DISP1: variants seen among roughly 807,000 people sequenced by gnomAD.
The protein encoded by DISP1 is dispatched RND transporter family member 1.
Under a neutral mutation model 37.3 loss-of-function variants are expected in DISP1, and 30 were observed. The observed-to-expected ratio is 0.80, with a 90% CI of 0.60 to 1.09. The LOEUF (loss-of-function observed/expected upper bound fraction) is 1.09, where lower values mean the gene tolerates loss of function less well. Among genes scored for constraint, DISP1 ranks in the 50% least tolerant of loss-of-function variants. The pLI is 0.00. For synonymous variants in DISP1, 634 were observed against 690.2 expected, an observed-to-expected ratio of 0.92 and a Z score of 1.28; for missense variants, 1,598 against 1,879.5, an observed-to-expected ratio of 0.85 and a Z score of 2.77.
At chr1:222,850,352 C>T (rs1668152102) in intron 1 of DISP1, among the ~76,000 whole-genome samples, 1 of 151,558 alleles carries the variant, frequency 6.6e-6, no homozygotes, top group African/African-American at 2.4e-5. Context: ...CTTTTTAAAC[C>T]CTCTGCTTTC....
intron 1 of DISP1, among the ~76,000 whole-genome samples, chr1:222,887,393 A>G (rs1670655180): frequency 6.6e-6 from 1 of 151,764 alleles, no homozygotes; most frequent in Admixed American, 6.6e-5. Flanking sequence ...TTTCTTCTTC[A>G]TTACTCTTAA....
At chr1:222,866,575 C>T (rs1669204963) in intron 1 of DISP1, among the ~76,000 whole-genome samples, 1 of 152,094 alleles carries the variant, frequency 6.6e-6, no homozygotes, top group Non-Finnish European at 1.5e-5. Context: ...GAACTCCTGA[C>T]CTTGTGATCC....
Position 223,003,372 on chromosome 1 carries a change from C to A in DISP1, c.1975C>A (p.His659Asn), listed in dbSNP as rs975190369. The change falls in exon 9 of 9, where the codon CAT becomes AAT. Residue 659 changes from histidine (H) to asparagine (N), a missense_variant. By Grantham distance (68) the His-to-Asn change is moderately conservative. Transcript: ENST00000675850. This position sits in a 1 kb window ranked among gnomAD's most constrained non-coding sequence, Gnocchi z 4.3. Reference sequence around the variant, plus strand: ...ATGGCTTCCAGCAGTTGTTGTGCTGCATGAGCGGTATCTTCTTAATATATT... The same window carrying A: ...ATGGCTTCCAGCAGTTGTTGTGCTGAATGAGCGGTATCTTCTTAATATATT... ...VTWLPAVVVLHERYLLNIFTC... is the reference protein window; with the variant it reads ...VTWLPAVVVLNERYLLNIFTC... The A allele has an allele frequency of 6.2e-7, 1 of 1,614,148 alleles. No homozygotes were observed. The highest frequency in any genetic ancestry group is 1.1e-5 in the South Asian group (1 of 91,088).
intron 3 of DISP1, among the ~76,000 whole-genome samples, chr1:222,955,469 G>A (rs1251422792): frequency 2.0e-5 from 3 of 152,184 alleles, no homozygotes; most frequent in African/African-American, 7.2e-5. Flanking sequence ...GAAGCAATAT[G>A]CATTCGGTAG....
chr1:222,897,143 T>G (rs903400592), intron 1 of DISP1, among the ~76,000 whole-genome samples: 1 of 152,200 alleles, frequency 6.6e-6, no homozygotes, highest in African/African-American at 2.4e-5. Context: ...ATATAGTCAT[T>G]CAGTGGCATA....
intron 7 of DISP1, among the ~76,000 whole-genome samples, chr1:222,992,803 T>C (rs1357898988): frequency 2.0e-5 from 3 of 151,316 alleles, no homozygotes; most frequent in Admixed American, 1.3e-4. Flanking sequence ...CGACAAAAGA[T>C]GGGGTTCTAG....
chr1:222,950,992 T>C (rs1179357039), intron 3 of DISP1, among the ~76,000 whole-genome samples: 1 of 152,206 alleles, frequency 6.6e-6, no homozygotes, highest in Non-Finnish European at 1.5e-5. Flanking sequence ...TGCCACAGAC[T>C]CATTATCATG....
chr1:222,906,131 G>A (rs1327930134), intron 1 of DISP1, among the ~76,000 whole-genome samples: 2 of 152,020 alleles, frequency 1.3e-5, no homozygotes, highest in Non-Finnish European at 2.9e-5. Flanking sequence ...TTAAAAACCT[G>A]CCACTTGAGA....
At chr1:222,993,686 G>A (rs1042118312) in intron 7 of DISP1, among the ~76,000 whole-genome samples, 1 of 152,082 alleles carries the variant, frequency 6.6e-6, no homozygotes, top group Non-Finnish European at 1.5e-5. Context: ...TGTTCTGGCT[G>A]GTTTATTTCT....
chr1:222,993,192 A>G (rs1401267371), intron 7 of DISP1, among the ~76,000 whole-genome samples: 1 of 152,162 alleles, frequency 6.6e-6, no homozygotes, highest in Non-Finnish European at 1.5e-5. Context: ...ATGTGGAGCC[A>G]TTAATTCTCT....
intron 1 of DISP1, among the ~76,000 whole-genome samples, chr1:222,880,570 C>A (rs769938163): frequency 1.3e-5 from 2 of 152,192 alleles, no homozygotes; most frequent in Non-Finnish European, 2.9e-5. Context: ...GGAATGCAGC[C>A]TGCACAGGCC....
chr1:222,817,616 C>T (rs1661576318), intron 1 of DISP1, among the ~76,000 whole-genome samples: 1 of 152,246 alleles, frequency 6.6e-6, no homozygotes, highest in Non-Finnish European at 1.5e-5. Flanking sequence ...GGTCCAGCTG[C>T]TGCACTGCCT....
Position 222,927,781 on chromosome 1 carries a change from G to A in DISP1, c.-158-649G>A, listed in dbSNP as rs192109231. 3.1e-3 allele frequency among the ~76,000 whole-genome samples: 469 copies of A among 152,242 alleles called. 3 individuals are homozygous for A. The highest frequency in any genetic ancestry group is 0.011 in the African/African-American group (453 of 41,540). On this transcript the variant is annotated intron_variant, in intron 1 of 8. Coordinates refer to ENST00000675850, the MANE Select transcript of DISP1 (RefSeq NM_001377229.1). ...AGAGACTTTTATGTTGTGGTTGTGG[G>A]ATTTTAAATACTGGCATCATGAGGG...
intron 1 of DISP1, among the ~76,000 whole-genome samples, chr1:222,863,556 TG>T (rs933505371): frequency 3.3e-5 from 5 of 151,576 alleles, no homozygotes; most frequent in Non-Finnish European, 7.4e-5. Context: ...AAAAAATCTG[TG>T]GGGAGATCCT....
chr1:222,855,718 C>T (rs1668510936), intron 1 of DISP1, among the ~76,000 whole-genome samples: 1 of 152,132 alleles, frequency 6.6e-6, no homozygotes, highest in Non-Finnish European at 1.5e-5. Context: ...GTTCCCTTCT[C>T]TTTATTTTAA....
chr1:222,895,680 C>A (rs1371423059), intron 1 of DISP1, among the ~76,000 whole-genome samples: 1 of 152,144 alleles, frequency 6.6e-6, no homozygotes, highest in Non-Finnish European at 1.5e-5. Flanking sequence ...GATTTTTCAG[C>A]AAAGGTGCCA....
chr1:222,954,293 A>G (rs1381717905), intron 3 of DISP1, among the ~76,000 whole-genome samples: 1 of 152,190 alleles, frequency 6.6e-6, no homozygotes, highest in Non-Finnish European at 1.5e-5. Flanking sequence ...GATTGCTGTA[A>G]TATTCTGTGT....
intron 2 of DISP1, among the ~76,000 whole-genome samples, chr1:222,939,839 A>T (rs147560604): frequency 0.09 from 13,658 of 151,712 alleles, 745 homozygotes; most frequent in Non-Finnish European, 0.12. Flanking sequence ...TCAAAAAAAA[A>T]AAAAGGCCGG....
At position 222,989,938 on chromosome 1, in the gene DISP1, G is replaced by T. The variant is rs368914640; in HGVS notation, c.540-687G>T. Among the ~76,000 whole-genome samples the T allele has an allele frequency of 7.2e-5, 11 of 152,114 alleles. No homozygotes were observed. In the South Asian group the frequency reaches 1.2e-3, roughly 17 times the overall value. On this transcript the variant is annotated intron_variant, in intron 4 of 8. Transcript: ENST00000675850. Reference sequence around the variant, plus strand: ...CTGCCTCAGCCTCCCAAGTAGCTAGGACTACAGGCGTGTGCCACCATGCCC... The same window carrying T: ...CTGCCTCAGCCTCCCAAGTAGCTAGTACTACAGGCGTGTGCCACCATGCCC...
Sources: gnomAD v4.1 joint callset for allele counts (sites outside exome capture counted in the v4.1 genomes callset) on GRCh38, gnomAD v4.1.1 for gene constraint, Gnocchi (gnomAD v3.1) non-coding constraint, MANE v1.5 for transcripts, NCBI Gene and HGNC (gene_info 2026-07-23, HGNC 2026-07-21) for gene names.